Variants in DSCAML1 observed in about 807,000 individuals in gnomAD.
DSCAML1 encodes the protein cell adhesion molecule DSCAML1.
DSCAML1 carries 38 observed loss-of-function variants against 200.5 expected under a neutral mutation model. The ratio of observed to expected loss-of-function variants is 0.19; its 90% CI spans 0.15 to 0.25. The LOEUF is 0.25. Ranked by LOEUF, DSCAML1 falls within the 10% of genes least tolerant of loss-of-function variation. The pLI is 1.00. For missense variants in DSCAML1, 2,223 were observed against 2,858.8 expected (o/e 0.78, Z 5.07); for synonymous variants, 1,215 against 1,165.0 (o/e 1.04, Z -0.87).
chr11:117,745,866 T>C (rs989063711), intron 3 of DSCAML1, among the ~76,000 whole-genome samples: 2 of 152,100 alleles, frequency 1.3e-5, no homozygotes, highest in Admixed American at 1.3e-4. Context: ...ATCTTCCTCA[T>C]AGGATTAGTT....
At chr11:117,762,507 C>T (rs1248750412) in intron 3 of DSCAML1, among the ~76,000 whole-genome samples, 1 of 152,088 alleles carries the variant, frequency 6.6e-6, no homozygotes, top group Non-Finnish European at 1.5e-5. Flanking sequence ...CCTTTGTTTG[C>T]TCATCTGTAA....
chr11:117,440,138 A>G (rs2048013018), intron 21 of DSCAML1, among the ~76,000 whole-genome samples: 1 of 152,214 alleles, frequency 6.6e-6, no homozygotes, highest in Non-Finnish European at 1.5e-5. Context: ...AATACCAGTT[A>G]TGGTCAGGAT....
At chr11:117,619,332 A>G (rs1245305665) in intron 3 of DSCAML1, among the ~76,000 whole-genome samples, 1 of 152,166 alleles carries the variant, frequency 6.6e-6, no homozygotes, top group Non-Finnish European at 1.5e-5. Flanking sequence ...CCCGATGGGC[A>G]CCCAAGACCA....
At chr11:117,556,470 G>C (rs1449397839) in intron 3 of DSCAML1, among the ~76,000 whole-genome samples, 1 of 149,074 alleles carries the variant, frequency 6.7e-6, no homozygotes. Flanking sequence ...TTCCTTTCTC[G>C]ACTCACAGGT....
Position 117,438,999 on chromosome 11 carries a change from C to T in DSCAML1, c.4145-16G>A, listed in dbSNP as rs774314825. 6.3e-7 allele frequency: 1 copy of T among 1,593,586 alleles called. No individual in the cohort carries two copies. The highest frequency in any genetic ancestry group is 1.1e-5 in the South Asian group (1 of 87,944). ...TCCGGGGGAACTGTGAGGGGAAAGC[C>T]ACCACCCCTTAGCACAAGGGCGGAC... On this transcript the variant is annotated splice_polypyrimidine_tract_variant and intron_variant, in intron 23 of 32. Coordinates refer to ENST00000651296, the MANE Select transcript of DSCAML1 (RefSeq NM_020693.4).
chr11:117,710,881 C>T (rs2053836980), intron 3 of DSCAML1, among the ~76,000 whole-genome samples: 1 of 152,166 alleles, frequency 6.6e-6, no homozygotes, highest in African/African-American at 2.4e-5. Flanking sequence ...AGAAAGAGCA[C>T]ATCGAGCCCT....
At chr11:117,649,041 ATGTGTGTG>A (rs58257943) in intron 3 of DSCAML1, among the ~76,000 whole-genome samples, 2,140 of 137,884 alleles carry the variant, frequency 0.016, 49 homozygotes, top group African/African-American at 0.037. Context: ...CTCCATATAT[ATGTGTGTG>A]TGTGTGTGTG....
rs1328699078 is a variant in DSCAML1, at chr11:117,504,453, G to A, written c.2183-432C>T. 3.3e-5 allele frequency among the ~76,000 whole-genome samples: 5 copies of A among 152,176 alleles called. No homozygotes were observed. Among genetic ancestry groups the A allele is most frequent in the Non-Finnish European group, 7.4e-5 (5 of 68,020 alleles). On this transcript the variant is annotated intron_variant, in intron 10 of 32. Transcript: ENST00000651296. The surrounding 1 kb of genome is among the most constrained non-coding windows in gnomAD (Gnocchi z 5.0). ...CAAGGGGGCCTTGTGGGCACCCCCT[G>A]TCCCTCCATTCCCCAGTGTCAGTCA...
At chr11:117,795,913 G>A (rs542779810) in intron 1 of DSCAML1, among the ~76,000 whole-genome samples, 5 of 152,312 alleles carry the variant, frequency 3.3e-5, no homozygotes, top group Admixed American at 3.3e-4. Context: ...CAAAGGGAGA[G>A]AGAAGCCGCC....
chr11:117,432,077 A>G (rs1012944091), intron 30 of DSCAML1, among the ~76,000 whole-genome samples: 5 of 152,130 alleles, frequency 3.3e-5, no homozygotes, highest in African/African-American at 1.2e-4. Context: ...GGTGCTAGAG[A>G]TAGAAAGACC....
intron 3 of DSCAML1, among the ~76,000 whole-genome samples, chr11:117,692,238 T>C (rs145151955): frequency 1.8e-4 from 27 of 152,156 alleles, no homozygotes; most frequent in Non-Finnish European, 3.2e-4. Flanking sequence ...TTTCCAGGCT[T>C]CTTTGCTCTT....
intron 3 of DSCAML1, among the ~76,000 whole-genome samples, chr11:117,718,232 A>AC (rs1331206948): frequency 2.7e-5 from 4 of 150,276 alleles, no homozygotes; most frequent in East Asian, 2.0e-4. Context: ...GCCATCCCCC[A>AC]CCCCCCTTCC....
intron 14 of DSCAML1, among the ~76,000 whole-genome samples, chr11:117,473,615 G>A (rs1333439450): frequency 2.0e-5 from 3 of 152,224 alleles, no homozygotes; most frequent in Admixed American, 6.5e-5. Context: ...TTGAGATCTT[G>A]ATGGTTTGCA....
intron 3 of DSCAML1, among the ~76,000 whole-genome samples, chr11:117,564,289 T>C (rs1276325536): frequency 6.6e-6 from 1 of 152,186 alleles, no homozygotes; most frequent in East Asian, 1.9e-4. Flanking sequence ...CTCATTGCCT[T>C]CCGAGATGGA....
At chr11:117,474,832 G>A (rs2048756184) in intron 14 of DSCAML1, among the ~76,000 whole-genome samples, 1 of 150,198 alleles carries the variant, frequency 6.7e-6, no homozygotes, top group Admixed American at 6.7e-5. Flanking sequence ...TCGGCTTACT[G>A]CAAGCTCCGC....
chr11:117,686,566 C>T (rs1356982180), intron 3 of DSCAML1, among the ~76,000 whole-genome samples: 1 of 152,226 alleles, frequency 6.6e-6, no homozygotes, highest in African/African-American at 2.4e-5. Flanking sequence ...CCTGGAGCCT[C>T]CTCTCCTTGC....
intron 8 of DSCAML1, among the ~76,000 whole-genome samples, chr11:117,512,895 C>T (rs902576966): frequency 1.5e-4 from 23 of 152,046 alleles, no homozygotes; most frequent in African/African-American, 3.1e-4. Flanking sequence ...GTCGCCGAGA[C>T]GGAATGCATC....
intron 8 of DSCAML1, among the ~76,000 whole-genome samples, chr11:117,515,223 C>T (rs956480919): frequency 6.6e-6 from 1 of 152,190 alleles, no homozygotes. Context: ...TGGCTCTTCA[C>T]GAAGAGACAT....
At position 117,636,841 on chromosome 11, in the gene DSCAML1, T is replaced by G. The variant is rs113918430; in HGVS notation, c.512-104319A>C. Among the ~76,000 whole-genome samples the G allele has an allele frequency of 4.9e-3, 742 of 152,350 alleles. 7 individuals carry two copies. The highest frequency in any genetic ancestry group is 0.017 in the African/African-American group (700 of 41,560). On this transcript the variant is annotated intron_variant, in intron 3 of 32. Transcript: ENST00000651296. ...TTAAAACTTATACATGAAAAGAGCCTGGTACAGTGCCTAAGTAGTAGTCAG... is the reference window on the plus strand; with the variant it reads ...TTAAAACTTATACATGAAAAGAGCCGGGTACAGTGCCTAAGTAGTAGTCAG...
Sources: allele counts gnomAD v4.1 joint callset (sites outside exome capture counted in the v4.1 genomes callset), GRCh38; gene constraint gnomAD v4.1.1; non-coding constraint Gnocchi (gnomAD v3.1); transcripts MANE v1.5; gene names NCBI Gene and HGNC (gene_info 2026-07-23, HGNC 2026-07-21).